Variants in CACNA1C observed in about 807,000 individuals in gnomAD.
CACNA1C encodes calcium voltage-gated channel subunit alpha1 C, also known as voltage-dependent L-type calcium channel subunit alpha-1C.
CACNA1C carries 30 observed loss-of-function variants against 229.0 expected under a neutral mutation model. The observed-to-expected ratio is 0.13, with a 90% CI of 0.10 to 0.18. CACNA1C has a LOEUF of 0.18. CACNA1C is among the 10% of genes least tolerant of loss of function. CACNA1C has a pLI of 1.00. For missense variants in CACNA1C, 1,658 were observed against 2,845.0 expected, an observed-to-expected ratio of 0.58 and a Z score of 9.49; for synonymous variants, 1,114 against 1,132.5, an observed-to-expected ratio of 0.98 and a Z score of 0.33.
At chr12:2,143,881 G>A (rs1002149111) in intron 3 of CACNA1C, among the ~76,000 whole-genome samples, 3 of 148,804 alleles carry the variant, frequency 2.0e-5, no homozygotes, top group East Asian at 1.9e-4. Context: ...CCACCCTTTC[G>A]ATTTGCTATT....
intron 3 of CACNA1C, among the ~76,000 whole-genome samples, chr12:2,240,320 A>T (rs2069397678): frequency 1.3e-5 from 2 of 152,214 alleles, no homozygotes; most frequent in Admixed American, 1.3e-4. Flanking sequence ...ATTTAGAAAA[A>T]CAAAGACGTA....
intron 3 of CACNA1C, among the ~76,000 whole-genome samples, chr12:2,270,709 G>C (rs1346214679): frequency 6.6e-6 from 1 of 152,214 alleles, no homozygotes; most frequent in East Asian, 1.9e-4. Context: ...TTGGCCATGG[G>C]ATGTCTTAAG....
chr12:2,263,306 G>GT (rs2081081382), intron 3 of CACNA1C, among the ~76,000 whole-genome samples: 1 of 151,986 alleles, frequency 6.6e-6, no homozygotes, highest in Non-Finnish European at 1.5e-5. Flanking sequence ...GGAGCAGGAG[G>GT]GCCAGGTGCG....
At chr12:2,127,319 G>C (rs2090504693) in intron 3 of CACNA1C, among the ~76,000 whole-genome samples, 1 of 152,144 alleles carries the variant, frequency 6.6e-6, no homozygotes, top group Non-Finnish European at 1.5e-5. Flanking sequence ...ATGCCACTTT[G>C]GGTTCCCCTC....
intron 3 of CACNA1C, among the ~76,000 whole-genome samples, chr12:2,123,332 C>T (rs898837050): frequency 2.1e-5 from 3 of 145,614 alleles, no homozygotes; most frequent in African/African-American, 5.1e-5. Context: ...GCCGAGATCG[C>T]GCCACCGCAC....
chr12:2,407,578 C>T (rs4765927), intron 3 of CACNA1C, among the ~76,000 whole-genome samples: 311 of 53,944 alleles, frequency 5.8e-3, no homozygotes, highest in East Asian at 0.013. Flanking sequence ...TCGTCTCCAC[C>T]GACACCATGT....
rs2052900158 is a variant in CACNA1C, at chr12:2,053,398, G to T, written c.-165G>T. On this transcript the variant is annotated 5_prime_UTR_variant, in exon 1 of 47. In the 5' UTR this introduces an upstream ATG that the reference lacks. Transcript: ENST00000399655. The surrounding 1 kb of genome is among the most constrained non-coding windows in gnomAD (Gnocchi z 5.8). ...GGGTTTGATGCCATAATGGGAATCA[G>T]GTAATCGTCGGCGGGGAAGAAGAAA... The T allele has an allele frequency of 1.4e-6, 2 of 1,409,460 alleles. No homozygotes were observed. The highest frequency in any genetic ancestry group is 1.9e-6 in the Non-Finnish European group (2 of 1,078,554). The allele number at this position is 1,409,460 out of a possible 1,614,324, so 87.3% of individuals were successfully genotyped here. A position where few individuals can be genotyped will look rare whatever the true frequency, so the allele number is the denominator to read the frequency against.
chr12:2,287,072 G>A lies in CACNA1C; in HGVS notation c.478-161904G>A, dbSNP rs1173335062. Among the ~76,000 whole-genome samples the A allele has an allele frequency of 6.6e-6, 1 of 152,240 alleles. No homozygotes were observed. The highest frequency in any genetic ancestry group is 2.4e-5 in the African/African-American group (1 of 41,476). On this transcript the variant is annotated intron_variant, in intron 3 of 46. Coordinates refer to ENST00000399655, the MANE Select transcript of CACNA1C (RefSeq NM_000719.7). The surrounding 1 kb of genome is among the most constrained non-coding windows in gnomAD (Gnocchi z 4.6). ...TGTCCCAATTACCCCGGGCCCAGAG[G>A]TGGGAGGTCCCACAGGGGCCTGCCC...
Position 2,646,768 on chromosome 12 carries a change from AAG to A in CACNA1C, c.3913-1686_3913-1685del, listed in dbSNP as rs59068153. Among the ~76,000 whole-genome samples, 1,477 of 146,588 alleles carry A rather than the reference AAG, an allele frequency of 0.01. 19 individuals are homozygous for A. The highest frequency in any genetic ancestry group is 0.015 in the Non-Finnish European group (975 of 65,920). ...TGCCTGTATGAGAGAGAGAGAGAGA[AAG>A]AGAGAGAGAGAGAGAGAGAGTGTGT... is the stretch of plus-strand genomic sequence containing the variant. On this transcript the variant is annotated intron_variant, in intron 30 of 46. Coordinates refer to ENST00000399655, the MANE Select transcript of CACNA1C (RefSeq NM_000719.7). The surrounding 1 kb of genome is among the most constrained non-coding windows in gnomAD (Gnocchi z 4.6).
rs183775427 is a variant in CACNA1C, at chr12:2,521,229, C to G, written c.1390+8245C>G. Among the ~76,000 whole-genome samples, 630 of 152,322 alleles carry G rather than the reference C, an allele frequency of 4.1e-3. 4 individuals are homozygous for G. Among genetic ancestry groups the G allele is most frequent in the African/African-American group, 0.015 (611 of 41,570 alleles). ...CACTGTGTAACAGCTATGGTAGGAA[C>G]AGAGGCTGTGTGGAGGGGCCTATGA... On this transcript the variant is annotated intron_variant, in intron 9 of 46. Transcript: ENST00000399655.
chr12:2,632,754 C>T lies in CACNA1C; in HGVS notation c.3829-1543C>T, dbSNP rs1241159032. ...TCCTCAGGAAACGCTTTGATCACCG[C>T]GTGCCCTCTGCGCGGCGTCTGCATT... On this transcript the variant is annotated intron_variant, in intron 29 of 46. Transcript: ENST00000399655. The surrounding 1 kb of genome is among the most constrained non-coding windows in gnomAD (Gnocchi z 4.1). 1.3e-5 allele frequency among the ~76,000 whole-genome samples: 2 copies of T among 152,162 alleles called. No homozygotes were observed. The highest frequency in any genetic ancestry group is 2.1e-4 in the South Asian group (1 of 4,830).
intron 3 of CACNA1C, among the ~76,000 whole-genome samples, chr12:2,241,293 C>T (rs1207585733): frequency 6.6e-6 from 1 of 152,088 alleles, no homozygotes; most frequent in Non-Finnish European, 1.5e-5. Context: ...ATCATATTGT[C>T]CCCATTTTTA....
chr12:2,543,745 A>G (rs1358975560), intron 9 of CACNA1C, among the ~76,000 whole-genome samples: 1 of 152,246 alleles, frequency 6.6e-6, no homozygotes, highest in East Asian at 1.9e-4. Context: ...ATCATTTTCC[A>G]TGCAGGTGAC....
intron 3 of CACNA1C, among the ~76,000 whole-genome samples, chr12:2,390,146 A>G (rs11062210): frequency 0.33 from 50,553 of 152,084 alleles, 9,409 homozygotes; most frequent in Non-Finnish European, 0.43. Flanking sequence ...TAAGATTTCT[A>G]TATAAAAGGT....
chr12:2,590,647 C>T (rs1382296141), intron 18 of CACNA1C, among the ~76,000 whole-genome samples: 4 of 152,208 alleles, frequency 2.6e-5, no homozygotes, highest in Non-Finnish European at 5.9e-5. Flanking sequence ...ACTTGCTTCT[C>T]CCCAGGAATG....
intron 15 of CACNA1C, among the ~76,000 whole-genome samples, chr12:2,583,201 C>T (rs2061201233): frequency 6.6e-6 from 1 of 152,208 alleles, no homozygotes; most frequent in South Asian, 2.1e-4. Context: ...GTGAGCGGCG[C>T]CCCCTGGCGT....
intron 9 of CACNA1C, among the ~76,000 whole-genome samples, chr12:2,513,585 G>T (rs1375922427): frequency 6.6e-6 from 1 of 152,228 alleles, no homozygotes; most frequent in Non-Finnish European, 1.5e-5. Flanking sequence ...TTCCTTGGGG[G>T]TTCACGTGGC....
chr12:2,235,191 T>C (rs2066870908), intron 3 of CACNA1C, among the ~76,000 whole-genome samples: 1 of 152,204 alleles, frequency 6.6e-6, no homozygotes, highest in Non-Finnish European at 1.5e-5. Context: ...AAACACTGTC[T>C]GTGGTACAGG....
intron 5 of CACNA1C, among the ~76,000 whole-genome samples, chr12:2,478,608 G>A (rs1351439849): frequency 6.6e-6 from 1 of 152,188 alleles, no homozygotes; most frequent in Admixed American, 6.5e-5. Context: ...GCCTGATGTT[G>A]TTCTGGGCAC....
Sources: gnomAD v4.1 joint callset for allele counts (sites outside exome capture counted in the v4.1 genomes callset) on GRCh38, gnomAD v4.1.1 for gene constraint, Gnocchi (gnomAD v3.1) non-coding constraint, MANE v1.5 for transcripts, NCBI Gene and HGNC (gene_info 2026-07-23, HGNC 2026-07-21) for gene names.